LRRK2: variants seen among roughly 807,000 people sequenced by gnomAD.
LRRK2 encodes the protein leucine rich repeat kinase 2.
Under a neutral mutation model 302.6 loss-of-function variants are expected in LRRK2, and 203 were observed. The observed-to-expected ratio is 0.67, with a 90% CI of 0.60 to 0.75. The LOEUF is 0.75. LRRK2 is among the 30% of genes least tolerant of loss of function. LRRK2 has a pLI of 0.00. For missense variants in LRRK2, 2,830 were observed against 2,951.0 expected (o/e 0.96, Z 0.95); for synonymous variants, 1,066 against 1,031.9 (o/e 1.03, Z -0.63).
Position 40,293,593 on chromosome 12 carries a change from TAGG to T in LRRK2, c.2741_2743del (p.Gly914del). The T allele has an allele frequency of 1.9e-6, 3 of 1,611,658 alleles. No homozygotes were observed. The highest frequency in any genetic ancestry group is 2.5e-6 in the Non-Finnish European group (3 of 1,178,374). ...AAAAAGAAATCTAATTCAATTAGTGTAGGAGAATTTTACCGAGATGCCGTATTA... is the reference window on the plus strand; with the variant it reads ...AAAAAGAAATCTAATTCAATTAGTGTAGAATTTTACCGAGATGCCGTATTA... On this transcript the variant is annotated inframe_deletion, in exon 21 of 51. Coordinates refer to ENST00000298910, the MANE Select transcript of LRRK2 (RefSeq NM_198578.4).
chr12:40,355,776 T>C (rs779348879), intron 45 of LRRK2, among the ~76,000 whole-genome samples: 2 of 151,994 alleles, frequency 1.3e-5, no homozygotes, highest in Admixed American at 6.6e-5. Flanking sequence ...TCTCCTGACC[T>C]CAGGTGATCT....
chr12:40,320,972 T>C (rs1347821160), intron 34 of LRRK2, 62 bp from the exon 35 acceptor site: 2 of 1,560,846 alleles, frequency 1.3e-6, no homozygotes, highest in Non-Finnish European at 1.8e-6. Context: ...AGTAAAATCA[T>C]TTGCTCAACA....
At chr12:40,226,316 A>G (rs1198094002) in intron 2 of LRRK2, among the ~76,000 whole-genome samples, 4 of 152,226 alleles carry the variant, frequency 2.6e-5, no homozygotes, top group Admixed American at 2.6e-4. Flanking sequence ...AGAATGATTT[A>G]CAGTCAAAAC....
chr12:40,259,155 A>G (rs1023296620), intron 12 of LRRK2, among the ~76,000 whole-genome samples: 25 of 152,112 alleles, frequency 1.6e-4, no homozygotes, highest in African/African-American at 6.0e-4. Flanking sequence ...TTTAACCTCT[A>G]TCTGTCTAAG....
At chr12:40,250,383 G>A (rs552563432) in intron 8 of LRRK2, among the ~76,000 whole-genome samples, 9 of 152,168 alleles carry the variant, frequency 5.9e-5, no homozygotes, top group East Asian at 1.9e-4. Context: ...CCAGCTGCTC[G>A]GGAGGCCGAG....
At chr12:40,236,522 C>T (rs771209982) in intron 4 of LRRK2, among the ~76,000 whole-genome samples, 6 of 152,156 alleles carry the variant, frequency 3.9e-5, no homozygotes, top group African/African-American at 1.2e-4. Context: ...TATAAGGTTC[C>T]GAGAAGAAAG....
chr12:40,303,726 T>C (rs1321812052), intron 26 of LRRK2, among the ~76,000 whole-genome samples: 1 of 152,124 alleles, frequency 6.6e-6, no homozygotes, highest in Non-Finnish European at 1.5e-5. Flanking sequence ...CCACTGTTAT[T>C]ATCTCCACTT....
Position 40,249,856 on chromosome 12 carries a change from A to G in LRRK2, c.869A>G (p.Glu290Gly), listed in dbSNP as rs538026154. The change falls in exon 8 of 51, where the codon GAA (glutamate) becomes GGA (glycine). Residue 290 changes from glutamate (E) to glycine (G), a missense_variant. Around this residue, in one of 3 missense-constraint regions of LRRK2, gnomAD observed 2,121 missense variants for 2,148.0 expected, o/e 0.99. Transcript: ENST00000298910. Reference protein sequence around the residue: ...GNFFNILVLNEVHEFVVKAVQ... With the variant: ...GNFFNILVLNGVHEFVVKAVQ... ...TTTTTCAATATCCTGGTATTAAACG[A>G]AGTCCATGAGTTTGTGGTGAAAGCT... is the stretch of plus-strand genomic sequence containing the variant. The G allele has an allele frequency of 1.2e-6, 2 of 1,613,864 alleles. No individual in the cohort carries two copies. The highest frequency in any genetic ancestry group is 2.2e-5 in the South Asian group (2 of 91,070).
At chr12:40,246,733 C>A (rs932727175) in intron 7 of LRRK2, among the ~76,000 whole-genome samples, 4 of 152,084 alleles carry the variant, frequency 2.6e-5, no homozygotes, top group Non-Finnish European at 5.9e-5. Context: ...ATGATCCAGG[C>A]TTAATATGGG....
intron 19 of LRRK2, 85 bp downstream of exon 19, chr12:40,284,218 C>A: frequency 5.6e-6 from 7 of 1,257,302 alleles, no homozygotes; most frequent in Non-Finnish European, 7.7e-6. Flanking sequence ...GTTATTCATG[C>A]CAGTTTGAGG....
At chr12:40,329,399 C>T (rs1945645448) in intron 39 of LRRK2, among the ~76,000 whole-genome samples, 1 of 152,154 alleles carries the variant, frequency 6.6e-6, no homozygotes, top group African/African-American at 2.4e-5. Flanking sequence ...CCATCACCTT[C>T]TCAAGTTCTT....
chr12:40,299,206 C>G lies in LRRK2; in HGVS notation c.3445C>G (p.Leu1149Val). 6.2e-7 allele frequency: 1 copy of G among 1,613,550 alleles called. No individual in the cohort carries two copies. Among genetic ancestry groups the G allele is most frequent in the Non-Finnish European group, 8.5e-7 (1 of 1,179,802 alleles). ...CATTTCATCCCTATCAGAGAACTTT[C>G]TTGAGGCTTGTCCTAAAGTGGAGAG... ...NHISSLSENF[L>V]EACPKVESFS... The change falls in exon 25 of 51, where the codon CTT (leucine) becomes GTT (valine). Residue 1149 changes from leucine (L) to valine (V), a missense_variant. Transcript: ENST00000298910.
intron 20 of LRRK2, among the ~76,000 whole-genome samples, chr12:40,288,396 T>A (rs1042571608): frequency 6.6e-6 from 1 of 151,822 alleles, no homozygotes; most frequent in Non-Finnish European, 1.5e-5. Flanking sequence ...TCTTCATGCC[T>A]CTTCACTGAA....
chr12:40,282,583 T>C (rs780054218), intron 18 of LRRK2, among the ~76,000 whole-genome samples: 1 of 152,042 alleles, frequency 6.6e-6, no homozygotes, highest in Non-Finnish European at 1.5e-5. Flanking sequence ...GGTAATGAGG[T>C]TTGAAAAATT....
intron 16 of LRRK2, among the ~76,000 whole-genome samples, chr12:40,275,494 G>A (rs1943412892): frequency 2.7e-5 from 4 of 149,530 alleles, no homozygotes; most frequent in Admixed American, 2.0e-4. Flanking sequence ...GTTAGTTCAC[G>A]GGAGATTAAG....
intron 45 of LRRK2, among the ~76,000 whole-genome samples, chr12:40,355,378 G>A (rs1946494144): frequency 6.6e-6 from 1 of 152,010 alleles, no homozygotes; most frequent in Non-Finnish European, 1.5e-5. Flanking sequence ...ACGTACTGGA[G>A]CACCTTGTTG....
intron 46 of LRRK2, among the ~76,000 whole-genome samples, chr12:40,358,020 ATCT>A (rs1946594788): frequency 6.6e-6 from 1 of 151,764 alleles, no homozygotes; most frequent in Admixed American, 6.6e-5. Flanking sequence ...CTCCTGCCTC[ATCT>A]TCTCAAAGTG....
At chr12:40,344,685 G>A (rs1292440782) in intron 41 of LRRK2, among the ~76,000 whole-genome samples, 1 of 152,086 alleles carries the variant, frequency 6.6e-6, no homozygotes, top group Non-Finnish European at 1.5e-5. Flanking sequence ...TATGTCACAG[G>A]TGCACTTTAT....
intron 16 of LRRK2, among the ~76,000 whole-genome samples, chr12:40,277,437 G>A (rs575204602): frequency 6.6e-5 from 10 of 152,200 alleles, no homozygotes; most frequent in Admixed American, 2.0e-4. Context: ...GGAAGACAGC[G>A]CAAAAAGCTG....
Sources: allele counts gnomAD v4.1 joint callset (sites outside exome capture counted in the v4.1 genomes callset), GRCh38; gene constraint gnomAD v4.1.1; regional missense constraint gnomAD v4.1.1; transcripts MANE v1.5; gene names NCBI Gene and HGNC (gene_info 2026-07-23, HGNC 2026-07-21).